ADAM28: variants seen among roughly 807,000 people sequenced by gnomAD.
ADAM28 encodes the protein disintegrin and metalloproteinase domain-containing protein 28.
In ADAM28, 105 loss-of-function variants were observed where a neutral mutation model predicts 101.2. That is an observed-to-expected ratio of 1.04 (90% CI 0.89 to 1.22). The LOEUF is 1.22. Among genes scored for constraint, ADAM28 ranks in the 50% most tolerant of loss-of-function variants. The pLI is 0.00. For missense variants in ADAM28, 1,028 were observed against 945.4 expected (o/e 1.09, Z -1.15); for synonymous variants, 322 against 310.6 (o/e 1.04, Z -0.39).
intron 5 of ADAM28, among the ~76,000 whole-genome samples, chr8:24,312,482 A>G (rs1378605689): frequency 1.3e-5 from 2 of 152,094 alleles, no homozygotes; most frequent in African/African-American, 2.4e-5. Flanking sequence ...ATCCTAGTCC[A>G]TCTACCATGA....
chr8:24,331,092 C>G, intron 11 of ADAM28, 58 bp from the exon 12 acceptor site: 3 of 1,491,180 alleles, frequency 2.0e-6, no homozygotes, highest in Non-Finnish European at 1.8e-6. Flanking sequence ...ATGTCAGATA[C>G]TGCTTCGCAC....
intron 2 of ADAM28, among the ~76,000 whole-genome samples, chr8:24,306,414 C>G (rs1463215978): frequency 7.4e-6 from 1 of 135,404 alleles, no homozygotes; most frequent in Non-Finnish European, 1.5e-5. Flanking sequence ...ATGTTCCACA[C>G]AACACTTCTG....
At chr8:24,337,452 C>A (rs1814236552) in intron 14 of ADAM28, among the ~76,000 whole-genome samples, 1 of 152,198 alleles carries the variant, frequency 6.6e-6, no homozygotes, top group African/African-American at 2.4e-5. Flanking sequence ...TATGATTAGT[C>A]TCCTCGGCAA....
intron 18 of ADAM28, among the ~76,000 whole-genome samples, chr8:24,348,718 G>C (rs1237131273): frequency 6.6e-6 from 1 of 152,172 alleles, no homozygotes; most frequent in Non-Finnish European, 1.5e-5. Context: ...TTACTCTTCA[G>C]TGATTTCTAT....
At chr8:24,323,705 C>G in intron 8 of ADAM28, 129 bp from the exon 9 acceptor site, 1 of 949,654 alleles carries the variant, frequency 1.1e-6, no homozygotes, top group Non-Finnish European at 1.5e-6. Flanking sequence ...TTCTGTTTCA[C>G]AAATATGCTT....
chr8:24,315,480 T>C (rs1351658936), intron 6 of ADAM28, among the ~76,000 whole-genome samples: 2 of 151,942 alleles, frequency 1.3e-5, no homozygotes, highest in Non-Finnish European at 2.9e-5. Flanking sequence ...GTAGAAAGCC[T>C]GAACAGACCA....
Position 24,357,321 on chromosome 8 carries a change from A to G in ADAM28, c.*2917A>G, listed in dbSNP as rs1465770859. On this transcript the variant is annotated 3_prime_UTR_variant, in exon 23 of 23. Coordinates refer to ENST00000265769, the MANE Select transcript of ADAM28 (RefSeq NM_014265.6). ...GATAGCTGATACAAGGAAGTAGAGA[A>G]CAAACATTTTCTATTAGTCTGTTTT... 6.6e-6 allele frequency: 1 copy of G among 152,234 alleles called. No homozygotes were observed. The highest frequency in any genetic ancestry group is 1.5e-5 in the Non-Finnish European group (1 of 68,038). 9.4% of individuals were successfully genotyped at this position (152,234 alleles called of 1,614,324 possible).
At chr8:24,338,167 A>G (rs12234919) in intron 14 of ADAM28, among the ~76,000 whole-genome samples, 26,725 of 152,102 alleles carry the variant, frequency 0.18, 2,456 homozygotes, top group East Asian at 0.35. Flanking sequence ...GGATTTTTCA[A>G]CCAGCATTTT....
At chr8:24,303,452 A>G (rs1809112349) in intron 2 of ADAM28, among the ~76,000 whole-genome samples, 1 of 152,162 alleles carries the variant, frequency 6.6e-6, no homozygotes, top group Non-Finnish European at 1.5e-5. Flanking sequence ...AGAGGATTAT[A>G]GATGTGTGGT....
At chr8:24,305,091 A>AT (rs1809387339) in intron 2 of ADAM28, among the ~76,000 whole-genome samples, 1 of 151,470 alleles carries the variant, frequency 6.6e-6, no homozygotes, top group Admixed American at 6.6e-5. Flanking sequence ...TCTTAATAAT[A>AT]TTCTTGTTTC....
chr8:24,303,578 G>T (rs901424773), intron 2 of ADAM28, among the ~76,000 whole-genome samples: 1 of 152,080 alleles, frequency 6.6e-6, no homozygotes, highest in African/African-American at 2.4e-5. Flanking sequence ...GTAGTATAAT[G>T]CCTCCAGCTT....
At chr8:24,305,433 T>C (rs1025174060) in intron 2 of ADAM28, among the ~76,000 whole-genome samples, 8 of 148,820 alleles carry the variant, frequency 5.4e-5, no homozygotes, top group Non-Finnish European at 1.2e-4. Context: ...ACTGTCCAGG[T>C]AAATTTTTAA....
chr8:24,318,159 C>T (rs1348601735), intron 6 of ADAM28, among the ~76,000 whole-genome samples: 1 of 151,950 alleles, frequency 6.6e-6, no homozygotes, highest in Non-Finnish European at 1.5e-5. Flanking sequence ...CTTTGATTGG[C>T]CAGAAGTTGG....
chr8:24,350,946 G>C (rs1816042874), intron 19 of ADAM28, among the ~76,000 whole-genome samples: 1 of 150,970 alleles, frequency 6.6e-6, no homozygotes, highest in Non-Finnish European at 1.5e-5. Context: ...TATTGAGTAA[G>C]ACATTAATAA....
rs1816769366 is a variant in ADAM28, at chr8:24,357,674, CAG to C, written c.*3273_*3274del. 1.3e-5 allele frequency: 2 copies of C among 152,128 alleles called. 1 individual carries two copies. Among genetic ancestry groups the C allele is most frequent in the South Asian group, 4.1e-4 (2 of 4,824 alleles). 9.4% of individuals were successfully genotyped at this position (152,128 alleles called of 1,614,324 possible). Reference sequence around the variant, plus strand: ...AAAATGAGATTTGGGGGGATGGACACAGAGCCAAACCATATAATGTTTTAAAT... The same window carrying C: ...AAAATGAGATTTGGGGGGATGGACACAGCCAAACCATATAATGTTTTAAAT... On this transcript the variant is annotated 3_prime_UTR_variant, in exon 23 of 23. Coordinates refer to ENST00000265769, the MANE Select transcript of ADAM28 (RefSeq NM_014265.6).
chr8:24,331,442 G>A, intron 12 of ADAM28, 115 bp downstream of exon 12: 1 of 1,042,744 alleles, frequency 9.6e-7, no homozygotes. Context: ...GTAATTTTGG[G>A]TACGCCCATT....
At chr8:24,299,528 A>G (rs79853069) in intron 1 of ADAM28, among the ~76,000 whole-genome samples, 7,800 of 152,262 alleles carry the variant, frequency 0.051, 305 homozygotes, top group Middle Eastern at 0.092. Context: ...AAAATTGTGC[A>G]CATTAGTTAT....
chr8:24,332,810 G>A (rs968249597), intron 13 of ADAM28, 61 bp downstream of exon 13: 7 of 898,992 alleles, frequency 7.8e-6, no homozygotes, highest in Non-Finnish European at 1.1e-5. Context: ...TAACATCTCA[G>A]TGATTATGTT....
chr8:24,341,000 T>C (rs1291188412), intron 15 of ADAM28: 2 of 152,224 alleles, frequency 1.3e-5, no homozygotes, highest in Non-Finnish European at 2.9e-5. Context: ...TGCCTTGCAG[T>C]GTCAAGGGAG....
Sources: allele counts gnomAD v4.1 joint callset (sites outside exome capture counted in the v4.1 genomes callset), GRCh38; gene constraint gnomAD v4.1.1; transcripts MANE v1.5; gene names NCBI Gene and HGNC (gene_info 2026-07-23, HGNC 2026-07-21).